The following RFPL3 variants were observed in gnomAD, a reference collection of about 807,000 sequenced individuals.
RFPL3 encodes the protein ret finger protein like 3, also known as ret finger protein-like 3.
A neutral mutation model predicts 8.7 loss-of-function variants in RFPL3; 8 were observed. The observed-to-expected ratio is 0.92, with a 90% CI of 0.54 to 1.66. RFPL3 has a LOEUF of 1.66. RFPL3 is among the 40% of genes most tolerant of loss of function. The pLI, the probability that RFPL3 is intolerant of heterozygous loss-of-function variation, is 0.00. For missense variants in RFPL3, 341 were observed against 395.0 expected, an observed-to-expected ratio of 0.86 and a Z score of 1.16; for synonymous variants, 145 against 150.5, an observed-to-expected ratio of 0.96 and a Z score of 0.27.
chr22:32,356,617 T>C (rs959124245), upstream of RFPL3: 9 of 219,098 alleles, frequency 4.1e-5, no homozygotes, highest in Non-Finnish European at 6.7e-5. Flanking sequence ...GGAGGGGATC[T>C]CTGTTCTGGG....
chr22:32,361,078 A>C lies in RFPL3; in HGVS notation c.*246A>C. 1 of 375,380 alleles carries C rather than the reference A, an allele frequency of 2.7e-6. No individual in the cohort carries two copies. The allele number at this position is 375,380 out of a possible 1,614,324, so 23.3% of individuals were successfully genotyped here. On this transcript the variant is annotated 3_prime_UTR_variant, in exon 2 of 2. Transcript: ENST00000249007. Reference sequence around the variant, plus strand: ...GTTCTGTATTCTCGGATCAATTTCCAAATGCTTTACTTTTTCATTTCTGTA... The same window carrying C: ...GTTCTGTATTCTCGGATCAATTTCCCAATGCTTTACTTTTTCATTTCTGTA...
Position 32,360,936 on chromosome 22 carries a change from G to C in RFPL3, c.*104G>C. 1 of 1,116,770 alleles carries C rather than the reference G, an allele frequency of 9.0e-7. No homozygotes were observed. Among genetic ancestry groups the C allele is most frequent in the Non-Finnish European group, 1.2e-6 (1 of 810,166 alleles). 69.2% of individuals were successfully genotyped at this position (1,116,770 alleles called of 1,614,324 possible). A position where few individuals can be genotyped will look rare whatever the true frequency, so the allele number is the denominator to read the frequency against. On this transcript the variant is annotated 3_prime_UTR_variant, in exon 2 of 2. Coordinates refer to ENST00000249007, the MANE Select transcript of RFPL3 (RefSeq NM_001098535.1). ...TTATACAGTCATAGGAGAAAGATAT[G>C]GGACATTTCTATAATCTATATTCTA...
chr22:32,356,855 G>A, upstream of RFPL3: 1 of 443,904 alleles, frequency 2.3e-6, no homozygotes, highest in Non-Finnish European at 4.6e-6. Flanking sequence ...CAGGGGTGCT[G>A]TTTGCCTTCC....
At chr22:32,356,636 G>C (rs1932677470), upstream of RFPL3, 1 of 239,004 alleles carries the variant, frequency 4.2e-6, no homozygotes, top group African/African-American at 2.4e-5. Flanking sequence ...GGATCCTGCA[G>C]CTCCAGGCCC....
upstream of RFPL3, chr22:32,354,908 G>A (rs12168398): frequency 0.02 from 2,981 of 152,476 alleles, 80 homozygotes; most frequent in African/African-American, 0.063. Context: ...GTGAGCCACG[G>A]CAGGCTCCAG....
chr22:32,360,804 C>A lies in RFPL3; in HGVS notation c.926C>A (p.Ala309Asp). 1 of 1,569,996 alleles carries A rather than the reference C, an allele frequency of 6.4e-7. No individual in the cohort carries two copies. The change falls in exon 2 of 2, where the codon GCT becomes GAT. Residue 309 changes from alanine (A) to aspartate (D), a missense_variant. By Grantham distance (126) the Ala-to-Asp change is moderately radical. Coordinates refer to ENST00000249007, the MANE Select transcript of RFPL3 (RefSeq NM_001098535.1). ...CPLMNSGTTD[A>D]PVRPGEAK ...TTGATGAACTCAGGCACTACTGATG[C>A]TCCAGTCCGTCCTGGGGAGGCCAAA... is the stretch of plus-strand genomic sequence containing the variant.
rs142734252 is a variant in RFPL3, at chr22:32,359,443, G to A, written c.374-809G>A. Among the ~76,000 whole-genome samples, 1,104 of 151,954 alleles carry A rather than the reference G, an allele frequency of 7.3e-3. 7 individuals carry two copies. Among genetic ancestry groups the A allele is most frequent in the Non-Finnish European group, 0.01 (713 of 67,960 alleles). The stretch of plus-strand genomic sequence containing the variant: ...GATTTTTTTTTTTCAGAATGTTCTG[G>A]ACAATTAATTTTCTCTAGGCCAGAT... On this transcript the variant is annotated intron_variant, in intron 1 of 1. Transcript: ENST00000249007.
chr22:32,360,350 G>A lies in RFPL3; in HGVS notation c.472G>A (p.Asp158Asn). The change falls in exon 2 of 2, where the codon GAC becomes AAC. Residue 158 changes from aspartate (D) to asparagine (N), a missense_variant. Transcript: ENST00000249007. ...RSGLITQNRQDLAERFDVSVC... is the reference protein window; with the variant it reads ...RSGLITQNRQNLAERFDVSVC... ...TGGGCTCATCACACAGAATCGGCAA[G>A]ACCTTGCCGAGAGATTTGACGTGTC... The A allele has an allele frequency of 6.2e-7, 1 of 1,613,950 alleles. No individual in the cohort carries two copies. Among genetic ancestry groups the A allele is most frequent in the Non-Finnish European group, 8.5e-7 (1 of 1,179,866 alleles).
At chr22:32,356,602 G>A (rs1932676318), upstream of RFPL3, 1 of 219,074 alleles carries the variant, frequency 4.6e-6, no homozygotes, top group Non-Finnish European at 9.4e-6. Flanking sequence ...GGATGATTTG[G>A]GGTGGGAGGG....
upstream of RFPL3, among the ~76,000 whole-genome samples, chr22:32,355,503 C>T (rs931519408): frequency 6.6e-5 from 10 of 152,000 alleles, no homozygotes. Context: ...AATGATGCAT[C>T]CTCCAAAGAA....
upstream of RFPL3, among the ~76,000 whole-genome samples, chr22:32,355,594 C>T (rs1235621785): frequency 6.6e-6 from 1 of 152,050 alleles, no homozygotes; most frequent in African/African-American, 2.4e-5. Context: ...GCACAGGTCA[C>T]CTGTGCATGT....
chr22:32,357,390 A>T (rs1266671780), upstream of RFPL3, among the ~76,000 whole-genome samples: 1 of 151,894 alleles, frequency 6.6e-6, no homozygotes, highest in Non-Finnish European at 1.5e-5. Context: ...GACTCGTCTC[A>T]AATTCCTGGG....
chr22:32,357,853 C>T, upstream of RFPL3: 1 of 1,425,052 alleles, frequency 7.0e-7, no homozygotes, highest in Non-Finnish European at 9.2e-7. Flanking sequence ...CTCGCTGTTC[C>T]TCACATGGGT....
chr22:32,355,072 C>T (rs1932618901), upstream of RFPL3, among the ~76,000 whole-genome samples: 1 of 151,612 alleles, frequency 6.6e-6, no homozygotes, highest in Non-Finnish European at 1.5e-5. Flanking sequence ...ACAAAACTCC[C>T]CCCACTTGGC....
intron 1 of RFPL3, among the ~76,000 whole-genome samples, chr22:32,359,493 G>T (rs1383802280): frequency 6.6e-6 from 1 of 151,798 alleles, no homozygotes; most frequent in Non-Finnish European, 1.5e-5. Context: ...CATGAGAATT[G>T]GCGGCTTCAC....
Position 32,358,259 on chromosome 22 carries a change from G to A in RFPL3, c.188G>A (p.Cys63Tyr). The A allele has an allele frequency of 6.2e-7, 1 of 1,613,874 alleles. No homozygotes were observed. Among genetic ancestry groups the A allele is most frequent in the Non-Finnish European group, 8.5e-7 (1 of 1,179,870 alleles). ...LECGCTVCLKCINSLQKEPHG... is the reference protein window; with the variant it reads ...LECGCTVCLKYINSLQKEPHG... ...TGTGGATGCACCGTCTGCCTCAAGT[G>A]CATCAATTCGCTGCAGAAGGAGCCC... The change falls in exon 1 of 2, where the codon TGC becomes TAC. Residue 63 changes from cysteine (C) to tyrosine (Y), a missense_variant. Transcript: ENST00000249007.
chr22:32,360,850 A>AG lies in RFPL3; in HGVS notation c.*18_*19insG. 6.6e-7 allele frequency: 1 copy of AG among 1,508,986 alleles called. No homozygotes were observed. The highest frequency in any genetic ancestry group is 2.3e-5 in the East Asian group (1 of 43,812). 93.5% of individuals were successfully genotyped at this position (1,508,986 alleles called of 1,614,324 possible). A position where few individuals can be genotyped will look rare whatever the true frequency, so the allele number is the denominator to read the frequency against. ...CCAAATAAGCCGCCACTGCAAAAAA[A>AG]AACAGGGTCAGAAAATTACTTGGGT... is the stretch of plus-strand genomic sequence containing the variant. On this transcript the variant is annotated 3_prime_UTR_variant, in exon 2 of 2. Transcript: ENST00000249007.
At chr22:32,356,822 G>A, upstream of RFPL3, 1 of 416,098 alleles carries the variant, frequency 2.4e-6, no homozygotes, top group Non-Finnish European at 4.8e-6. Context: ...TGGAGGTCTT[G>A]GTGACTTCCG....
upstream of RFPL3, chr22:32,357,053 T>C (rs1932690075): frequency 2.6e-6 from 1 of 385,874 alleles, no homozygotes; most frequent in Non-Finnish European, 5.1e-6. Flanking sequence ...CTGACCTCAG[T>C]GTATGAAGAG....
Sources: allele counts gnomAD v4.1 joint callset (sites outside exome capture counted in the v4.1 genomes callset), GRCh38; gene constraint gnomAD v4.1.1; transcripts MANE v1.5; gene names NCBI Gene and HGNC (gene_info 2026-07-23, HGNC 2026-07-21).